Variants in ENPP6 observed in about 807,000 individuals in gnomAD.
ENPP6 encodes glycerophosphocholine cholinephosphodiesterase ENPP6.
In ENPP6, 32 loss-of-function variants were observed where a neutral mutation model predicts 42.0. The observed-to-expected ratio is 0.76, with a 90% CI of 0.58 to 1.02. The LOEUF is 1.02. ENPP6 is among the 50% of genes least tolerant of loss of function. The probability of loss-of-function intolerance (pLI) is 0.00; values close to 1 mark genes in which losing one functional copy is unlikely to be tolerated. For missense variants in ENPP6, 552 were observed against 566.8 expected, an observed-to-expected ratio of 0.97 and a Z score of 0.27; for synonymous variants, 213 against 216.0, an observed-to-expected ratio of 0.99 and a Z score of 0.12.
At chr4:184,094,483 T>C (rs905448249) in intron 7 of ENPP6, among the ~76,000 whole-genome samples, 2 of 152,248 alleles carry the variant, frequency 1.3e-5, no homozygotes, top group Non-Finnish European at 2.9e-5. Context: ...GGATAGTGCT[T>C]TGGGCTCAGT....
intron 1 of ENPP6, among the ~76,000 whole-genome samples, chr4:184,162,092 G>C (rs573256829): frequency 7.9e-5 from 12 of 151,720 alleles, no homozygotes; most frequent in Non-Finnish European, 1.6e-4. Flanking sequence ...CCCCCTCCCC[G>C]CATGGTTTTT....
At position 184,089,169 on chromosome 4, in the gene ENPP6, G is replaced by A. The variant is rs988626392; in HGVS notation, c.*2008C>T. The A allele has an allele frequency of 1.3e-5, 2 of 152,182 alleles. No individual in the cohort carries two copies. The highest frequency in any genetic ancestry group is 2.9e-5 in the Non-Finnish European group (2 of 68,028). 9.4% of individuals were successfully genotyped at this position (152,182 alleles called of 1,614,324 possible). A position where few individuals can be genotyped will look rare whatever the true frequency, so the allele number is the denominator to read the frequency against. On this transcript the variant is annotated 3_prime_UTR_variant, in exon 8 of 8. Transcript: ENST00000296741. ...TCAGCTAGATAACAAAGGCTGAAGA[G>A]TTGCCTTCTTTCCAATTGATCCGAT...
chr4:184,096,124 T>C (rs17486309), intron 7 of ENPP6, among the ~76,000 whole-genome samples: 86 of 152,324 alleles, frequency 5.6e-4, no homozygotes, highest in Admixed American at 9.8e-4. Context: ...TGGACTAATG[T>C]GTTTCCTAAG....
rs180731763 is a variant in ENPP6 at position 184,182,854 on chromosome 4, T to C, written c.242-29121A>G. 3.8e-3 allele frequency among the ~76,000 whole-genome samples: 576 copies of C among 152,192 alleles called. 2 individuals are homozygous for C. The highest frequency in any genetic ancestry group is 4.6e-3 in the Non-Finnish European group (316 of 67,984). On this transcript the variant is annotated intron_variant, in intron 1 of 7. Coordinates refer to ENST00000296741, the MANE Select transcript of ENPP6 (RefSeq NM_153343.4). Reference sequence around the variant, plus strand: ...GGGGAACAACACACACTGGGGCCTGTTGGGGAATGTAGAGGGAGGGAGAGC... The same window carrying C: ...GGGGAACAACACACACTGGGGCCTGCTGGGGAATGTAGAGGGAGGGAGAGC...
At chr4:184,117,992 G>A (rs565924948) in intron 3 of ENPP6, 92 bp from the exon 4 acceptor site, 20 of 1,465,230 alleles carry the variant, frequency 1.4e-5, no homozygotes, top group Admixed American at 1.1e-4. Context: ...AGGTGTTCAC[G>A]CCCCCCGAAA....
chr4:184,174,693 G>C (rs189904322), intron 1 of ENPP6, among the ~76,000 whole-genome samples: 1 of 152,372 alleles, frequency 6.6e-6, no homozygotes, highest in Non-Finnish European at 1.5e-5. Context: ...TACCCCAAAA[G>C]TATCTTACGA....
intron 6 of ENPP6, 128 bp from the exon 7 acceptor site, chr4:184,097,496 C>T: frequency 4.5e-6 from 6 of 1,347,178 alleles, no homozygotes; most frequent in African/African-American, 2.9e-5. Flanking sequence ...CCAGACTGAC[C>T]CAACCTCCGC....
intron 1 of ENPP6, among the ~76,000 whole-genome samples, chr4:184,168,899 C>T (rs1242556702): frequency 1.3e-5 from 2 of 151,812 alleles, no homozygotes; most frequent in African/African-American, 2.4e-5. Context: ...TCGTGCTGTG[C>T]CCCCCGCTTC....
At chr4:184,095,649 T>C (rs1316620554) in intron 7 of ENPP6, among the ~76,000 whole-genome samples, 1 of 124,016 alleles carries the variant, frequency 8.1e-6, no homozygotes, top group Non-Finnish European at 1.7e-5. Flanking sequence ...GACAAGAAAC[T>C]GTCTCAAAAA....
Position 184,209,052 on chromosome 4 carries a change from A to C in ENPP6, c.241+8527T>G, listed in dbSNP as rs1222572428. 1.2e-3 allele frequency among the ~76,000 whole-genome samples: 176 copies of C among 147,074 alleles called. 2 individuals are homozygous for C. The highest frequency in any genetic ancestry group is 3.8e-3 in the African/African-American group (150 of 39,442). ...TGTCTGTTAGAAGGAAAACTAACAA[A>C]CAGAAAGGACATCCACACCAAAAAC... On this transcript the variant is annotated intron_variant, in intron 1 of 7. Coordinates refer to ENST00000296741, the MANE Select transcript of ENPP6 (RefSeq NM_153343.4).
At chr4:184,101,326 G>A (rs866343916) in intron 6 of ENPP6, among the ~76,000 whole-genome samples, 35 of 145,162 alleles carry the variant, frequency 2.4e-4, no homozygotes, top group African/African-American at 9.0e-4. Flanking sequence ...GTGTGTGTGT[G>A]TGTGTGTGTG....
At chr4:184,112,282 C>A (rs1736207066) in intron 6 of ENPP6, among the ~76,000 whole-genome samples, 1 of 152,232 alleles carries the variant, frequency 6.6e-6, no homozygotes, top group Non-Finnish European at 1.5e-5. Context: ...GTCTCGTTTG[C>A]CAAACATTTC....
chr4:184,171,613 G>A (rs1737462456), intron 1 of ENPP6, among the ~76,000 whole-genome samples: 1 of 152,224 alleles, frequency 6.6e-6, no homozygotes, highest in South Asian at 2.1e-4. Context: ...ACACATCACA[G>A]TTGACATACA....
intron 1 of ENPP6, among the ~76,000 whole-genome samples, chr4:184,187,542 C>T (rs1259297420): frequency 5.9e-5 from 9 of 152,224 alleles, no homozygotes; most frequent in Admixed American, 5.9e-4. Context: ...GCCTGGAATG[C>T]TTTGTTCTCG....
Position 184,106,042 on chromosome 4 carries a change from T to A in ENPP6, c.993+6630A>T, listed in dbSNP as rs1195996668. Among the ~76,000 whole-genome samples the A allele has an allele frequency of 6.9e-3, 5 of 728 alleles. No individual in the cohort carries two copies. In the Admixed American group the frequency reaches 0.21, roughly 30 times the overall value. The allele number at this position is 728 out of a possible 152,430, so 0.5% of individuals were successfully genotyped here. On this transcript the variant is annotated intron_variant, in intron 6 of 7. Coordinates refer to ENST00000296741, the MANE Select transcript of ENPP6 (RefSeq NM_153343.4). ...CTTAAGATCAAAAATACCAAGTTGT[T>A]TTTTTTTTTTTTGAGATGGAATCTC...
chr4:184,124,755 A>G (rs915319714), intron 2 of ENPP6, among the ~76,000 whole-genome samples: 5 of 152,216 alleles, frequency 3.3e-5, no homozygotes, highest in African/African-American at 1.2e-4. Flanking sequence ...AGCTAACTGG[A>G]CTTAGAGGTA....
At chr4:184,116,768 A>G in intron 5 of ENPP6, 88 bp downstream of exon 5, 1 of 1,523,368 alleles carries the variant, frequency 6.6e-7, no homozygotes, top group Non-Finnish European at 8.8e-7. Context: ...ACAAAACAAA[A>G]CAAAAAAACT....
intron 2 of ENPP6, among the ~76,000 whole-genome samples, chr4:184,152,203 T>C (rs917421480): frequency 1.3e-5 from 2 of 152,184 alleles, no homozygotes; most frequent in African/African-American, 4.8e-5. Context: ...AGCTGGGTGG[T>C]GGGCTGCCCT....
chr4:184,187,989 C>T (rs141260682), intron 1 of ENPP6, among the ~76,000 whole-genome samples: 583 of 152,276 alleles, frequency 3.8e-3, no homozygotes, highest in Non-Finnish European at 6.6e-3. Context: ...AAGACCAAGT[C>T]CTGCTCTTGG....
Sources: allele counts gnomAD v4.1 joint callset (sites outside exome capture counted in the v4.1 genomes callset), GRCh38; gene constraint gnomAD v4.1.1; transcripts MANE v1.5; gene names NCBI Gene and HGNC (gene_info 2026-07-23, HGNC 2026-07-21).